CD1E: variants seen among roughly 807,000 people sequenced by gnomAD.
CD1E encodes T-cell surface glycoprotein CD1e, membrane-associated.
Under a neutral mutation model 40.1 loss-of-function variants are expected in CD1E, and 49 were observed. The observed-to-expected ratio is 1.22, with a 90% CI of 0.97 to 1.55. CD1E has a LOEUF of 1.55. CD1E is among the 40% of genes most tolerant of loss of function. The pLI, the probability that CD1E is intolerant of heterozygous loss-of-function variation, is 0.00. For missense variants in CD1E, 492 were observed against 471.3 expected (o/e 1.04, Z -0.41); for synonymous variants, 189 against 178.3 (o/e 1.06, Z -0.48).
At position 158,356,931 on chromosome 1, in the gene CD1E, G is replaced by T; in HGVS notation, c.*35G>T. ...TACCTTATACATAAAATCCTTGTCT[G>T]CATCTTCTTAAACACCGTCCATGTC... On this transcript the variant is annotated 3_prime_UTR_variant, in exon 6 of 6. Coordinates refer to ENST00000368167, the MANE Select transcript of CD1E (RefSeq NM_030893.4). 1 of 1,579,918 alleles carries T rather than the reference G, an allele frequency of 6.3e-7. No homozygotes were observed.
Position 158,356,838 on chromosome 1 carries a change from C to T in CD1E, c.1109C>T (p.Ser370Leu), listed in dbSNP as rs1251865894. Residue 370 changes from serine to leucine, a missense_variant, in exon 6 of 6, where the codon TCG becomes TTG. Transcript: ENST00000368167. ...SRHQFCLAQV[S>L]WIKNRVLKKW... ...CATCAGTTCTGCTTGGCACAAGTAT[C>T]GTGGATCAAAAACAGAGTATTGAAG... 4 of 1,613,944 alleles carry T rather than the reference C, an allele frequency of 2.5e-6. No homozygotes were observed. The highest frequency in any genetic ancestry group is 1.1e-5 in the South Asian group (1 of 91,056).
Position 158,357,133 on chromosome 1 carries a change from A to G in CD1E, c.*237A>G. On this transcript the variant is annotated 3_prime_UTR_variant, in exon 6 of 6. Transcript: ENST00000368167. ...TACTTCTTTTTCATGGATTCCCGAG[A>G]TCACCCAATTGATAGCTCTTCTGTA... The G allele has an allele frequency of 2.3e-6, 1 of 435,106 alleles. No homozygotes were observed. The highest frequency in any genetic ancestry group is 4.1e-6 in the Non-Finnish European group (1 of 241,640). 27.0% of individuals were successfully genotyped at this position (435,106 alleles called of 1,614,324 possible).
At chr1:158,354,783 C>G (rs1653411816) in intron 2 of CD1E, 110 bp downstream of exon 2, 1 of 961,750 alleles carries the variant, frequency 1.0e-6, no homozygotes, top group Non-Finnish European at 1.5e-6. Context: ...AACCTTGTTC[C>G]CCACTCTCTG....
chr1:158,356,755 C>A lies in CD1E; in HGVS notation c.1026C>A (p.His342Gln), dbSNP rs752778772. 9 of 1,613,758 alleles carry A rather than the reference C, an allele frequency of 5.6e-6. No homozygotes were observed. The East Asian group carries it at 1.8e-4, about 32-fold the overall frequency. ...CAAATAAGAACATTCTTTCTCCCCA[C>A]ACACCCAGCCCTGTCTTTCTCATGG... ...QSSNKNILSP[H>Q]TPSPVFLMGA... The change falls in exon 6 of 6, where the codon CAC becomes CAA. Residue 342 changes from histidine (H) to glutamine (Q), a missense_variant. Transcript: ENST00000368167.
intron 2 of CD1E, among the ~76,000 whole-genome samples, 200 bp downstream of exon 2, chr1:158,354,873 T>C (rs577510100): frequency 4.1e-4 from 62 of 152,258 alleles, no homozygotes; most frequent in Admixed American, 4.0e-3. Context: ...CATGTACATA[T>C]CTCAACATGA....
Position 158,356,879 on chromosome 1 carries a change from C to T in CD1E, c.1150C>T (p.Leu384=). Residue 384 remains leucine (L), a synonymous_variant, in exon 6 of 6, where the codon CTA becomes TTA. Transcript: ENST00000368167. ...AGTATTGAAGAAGTGGAAGACACGCCTAAACCAACTCTGGTGACATTTGCT... is the reference window on the plus strand; with the variant it reads ...AGTATTGAAGAAGTGGAAGACACGCTTAAACCAACTCTGGTGACATTTGCT... ...NRVLKKWKTR[L]NQLW 6.2e-7 allele frequency: 1 copy of T among 1,613,980 alleles called. No individual in the cohort carries two copies. Among genetic ancestry groups the T allele is most frequent in the Non-Finnish European group, 8.5e-7 (1 of 1,179,940 alleles).
Position 158,357,021 on chromosome 1 carries a change from A to G in CD1E, c.*125A>G. 1.4e-6 allele frequency: 1 copy of G among 729,098 alleles called. No homozygotes were observed. The highest frequency in any genetic ancestry group is 2.2e-6 in the Non-Finnish European group (1 of 453,530). The allele number at this position is 729,098 out of a possible 1,614,324, so 45.2% of individuals were successfully genotyped here. ...AGCAAAGATACTGACCCCTTTAGGA[A>G]TACTTTTTCCCCATCTTCCAGAGAT... On this transcript the variant is annotated 3_prime_UTR_variant, in exon 6 of 6. Transcript: ENST00000368167.
chr1:158,354,417 G>C lies in CD1E; in HGVS notation c.99G>C (p.Glu33Asp). 6.2e-7 allele frequency: 1 copy of C among 1,613,514 alleles called. No individual in the cohort carries two copies. Among genetic ancestry groups the C allele is most frequent in the Non-Finnish European group, 8.5e-7 (1 of 1,179,746 alleles). The change falls in exon 2 of 6, where the codon GAG (glutamate) becomes GAC (aspartate). Residue 33 changes from glutamate (E) to aspartate (D), a missense_variant. Transcript: ENST00000368167. ...ALQSYHLAAE[E>D]QLSFRMLQTS... ...AATCCTATCATCTAGCAGCAGAGGA[G>C]CAGCTGTCCTTCCGCATGCTCCAAA...
intron 4 of CD1E, 100 bp downstream of exon 4, chr1:158,356,205 G>A (rs1653658487): frequency 1.5e-6 from 2 of 1,314,248 alleles, no homozygotes; most frequent in South Asian, 1.4e-5. Flanking sequence ...GGTACAAGAA[G>A]GGTAAAACTG....
At chr1:158,355,229 C>G (rs573356952) in intron 2 of CD1E, 71 bp from the exon 3 acceptor site, 40 of 1,456,818 alleles carry the variant, frequency 2.7e-5, no homozygotes, top group Non-Finnish European at 3.6e-5. Context: ...AATCTCTTTA[C>G]TGTCTAAATT....
rs1329906473 is a variant in CD1E, at chr1:158,353,927, C to A, written c.-62C>A. On this transcript the variant is annotated 5_prime_UTR_variant, in exon 1 of 6. The change creates a new upstream start codon in the 5' untranslated region. Coordinates refer to ENST00000368167, the MANE Select transcript of CD1E (RefSeq NM_030893.4). ...GTGCAAGAGGGTGTGGAGAGGGGTA[C>A]TGATATCTGAATTATTAGGGCAGGT... is the stretch of plus-strand genomic sequence containing the variant. The A allele has an allele frequency of 1.5e-6, 2 of 1,336,102 alleles. No homozygotes were observed. Among genetic ancestry groups the A allele is most frequent in the Non-Finnish European group, 2.2e-6 (2 of 928,006 alleles). 82.8% of individuals were successfully genotyped at this position (1,336,102 alleles called of 1,614,324 possible).
chr1:158,356,587 C>T lies in CD1E; in HGVS notation c.994C>T (p.Gln332Ter), dbSNP rs1653721073. ...TGTAGTTGACTCACGGTTAAAAAAA[C>T]AGAGGTGAGCTTTTTCTTGTTCTTT... ...LVVVDSRLKK[Q>*]SSNKNILSPH... Residue 332 changes from glutamine to a stop codon, truncating the protein, a stop_gained, in exon 5 of 6, where the codon CAG becomes TAG. Coordinates refer to ENST00000368167, the MANE Select transcript of CD1E (RefSeq NM_030893.4). LOFTEE classifies it low-confidence loss of function (END_TRUNC). 1 of 1,611,868 alleles carries T rather than the reference C, an allele frequency of 6.2e-7. No individual in the cohort carries two copies. Among genetic ancestry groups the T allele is most frequent in the African/African-American group, 1.3e-5 (1 of 74,866 alleles).
intron 2 of CD1E, 134 bp from the exon 3 acceptor site, chr1:158,355,166 T>A (rs1653463921): frequency 2.5e-6 from 2 of 804,850 alleles, no homozygotes; most frequent in Non-Finnish European, 4.0e-6. Context: ...TCTTCCCCTT[T>A]GCCAGTAAAC....
intron 2 of CD1E, 76 bp from the exon 3 acceptor site, chr1:158,355,224 C>T: frequency 6.9e-7 from 1 of 1,446,770 alleles, no homozygotes. Context: ...CCTTGAATCT[C>T]TTTACTGTCT....
chr1:158,356,511 C>G lies in CD1E; in HGVS notation c.918C>G (p.Ile306Met), dbSNP rs751593507. The change falls in exon 5 of 6, where the codon ATC (isoleucine) becomes ATG (methionine). Residue 306 changes from isoleucine to methionine, a missense_variant. Coordinates refer to ENST00000368167, the MANE Select transcript of CD1E (RefSeq NM_030893.4). ...ATCCCCAACCAGGTGGATATTCCAT[C>G]TTTCTCATCCTGATCTGTTTGACTG... ...DLIIHWGGYS[I>M]FLILICLTVI... 2 of 1,611,846 alleles carry G rather than the reference C, an allele frequency of 1.2e-6. No homozygotes were observed. Among genetic ancestry groups the G allele is most frequent in the East Asian group, 2.2e-5 (1 of 44,852 alleles).
At chr1:158,355,615 T>A (rs1276066297) in intron 3 of CD1E, 46 bp downstream of exon 3, 1 of 1,570,258 alleles carries the variant, frequency 6.4e-7, no homozygotes, top group Non-Finnish European at 8.6e-7. Flanking sequence ...GTACTATAAC[T>A]CTCATATTTG....
At position 158,354,262 on chromosome 1, in the gene CD1E, T is replaced by G. The variant is rs923134784; in HGVS notation, c.59-115T>G. The G allele has an allele frequency of 2.9e-6, 3 of 1,045,266 alleles. No homozygotes were observed. In the African/African-American group the frequency reaches 4.8e-5, roughly 17 times the overall value. The allele number at this position is 1,045,266 out of a possible 1,614,324, so 64.7% of individuals were successfully genotyped here. A position where few individuals can be genotyped will look rare whatever the true frequency, so the allele number is the denominator to read the frequency against. On this transcript the variant is annotated intron_variant, in intron 1 of 5. Transcript: ENST00000368167. ...AGCTGGCCCCACAGGAAAAGGGTATTGGAGTATGTACAAGCTACCTAACTG... is the reference window on the plus strand; with the variant it reads ...AGCTGGCCCCACAGGAAAAGGGTATGGGAGTATGTACAAGCTACCTAACTG...
In CD1E at chr1:158,355,915, G is replaced by A; in HGVS notation, c.714G>A (p.Lys238=). Residue 238 remains lysine, a synonymous_variant, in exon 4 of 6, where the codon AAG becomes AAA. Transcript: ENST00000368167. The stretch of plus-strand genomic sequence containing the variant: ...GCCATGTCTCAGGATTCTACCCAAA[G>A]CCCGTGTGGGTGATGTGGATGCGGG... The part of the protein sequence containing the change: ...LVCHVSGFYP[K]PVWVMWMRGE... 1 of 1,614,158 alleles carries A rather than the reference G, an allele frequency of 6.2e-7. No homozygotes were observed. Among genetic ancestry groups the A allele is most frequent in the Non-Finnish European group, 8.5e-7 (1 of 1,180,038 alleles).
rs1305276290 is a variant in CD1E at position 158,356,046 on chromosome 1, G to A, written c.845G>A (p.Gly282Asp). ...GATGTGGCGGCTGGGGAGGCAGCTG[G>A]CCTGTCCTGTCGGGTGAAACACAGC... ...TLDVAAGEAA[G>D]LSCRVKHSSL... Residue 282 changes from glycine (G) to aspartate (D), a missense_variant, in exon 4 of 6, where the codon GGC becomes GAC. Physicochemically the swap from Gly to Asp is moderately conservative, Grantham distance 94. Coordinates refer to ENST00000368167, the MANE Select transcript of CD1E (RefSeq NM_030893.4). 6.2e-7 allele frequency: 1 copy of A among 1,614,070 alleles called. No individual in the cohort carries two copies. Among genetic ancestry groups the A allele is most frequent in the Non-Finnish European group, 8.5e-7 (1 of 1,179,978 alleles).
Sources: allele counts gnomAD v4.1 joint callset (sites outside exome capture counted in the v4.1 genomes callset), GRCh38; gene constraint gnomAD v4.1.1; transcripts MANE v1.5; gene names NCBI Gene and HGNC (gene_info 2026-07-23, HGNC 2026-07-21).